The following PREX2 variants were observed in gnomAD, a reference collection of about 807,000 sequenced individuals.
The protein encoded by PREX2 is phosphatidylinositol-3,4,5-trisphosphate dependent Rac exchange factor 2, also known as phosphatidylinositol 3,4,5-trisphosphate-dependent Rac exchanger 2 protein.
In PREX2, 107 loss-of-function variants were observed where a neutral mutation model predicts 203.2. That is an observed-to-expected ratio of 0.53 (90% CI 0.45 to 0.62). PREX2 has a LOEUF of 0.62. Ranked by LOEUF, PREX2 falls within the 20% of genes least tolerant of loss-of-function variation. The probability of loss-of-function intolerance (pLI) is 0.00; values close to 1 mark genes in which losing one functional copy is unlikely to be tolerated. For synonymous variants in PREX2, 672 were observed against 663.6 expected (o/e 1.01, Z -0.19); for missense variants, 1,777 against 1,955.9 (o/e 0.91, Z 1.72).
intron 1 of PREX2, among the ~76,000 whole-genome samples, chr8:68,007,695 C>T (rs563813675): frequency 4.6e-5 from 7 of 152,222 alleles, no homozygotes; most frequent in South Asian, 2.1e-4. Context: ...CTGCAAGCTC[C>T]GCCTCCTAGG....
At chr8:68,041,716 C>T (rs1042037261) in intron 7 of PREX2, among the ~76,000 whole-genome samples, 1 of 151,914 alleles carries the variant, frequency 6.6e-6, no homozygotes, top group African/African-American at 2.4e-5. Context: ...GTGTGTTACT[C>T]GTTAAGAAAC....
At chr8:68,003,690 G>C (rs756826595) in intron 1 of PREX2, among the ~76,000 whole-genome samples, 1 of 152,118 alleles carries the variant, frequency 6.6e-6, no homozygotes, top group Non-Finnish European at 1.5e-5. Context: ...AGTACCATTA[G>C]CCGAGTTAAC....
intron 37 of PREX2, among the ~76,000 whole-genome samples, chr8:68,202,560 A>C (rs1812527000): frequency 6.6e-6 from 1 of 152,180 alleles, no homozygotes; most frequent in South Asian, 2.1e-4. Context: ...ACAGTATTAC[A>C]GCAAGAGAAG....
chr8:68,148,752 C>G (rs912062952), intron 34 of PREX2, among the ~76,000 whole-genome samples: 1 of 152,204 alleles, frequency 6.6e-6, no homozygotes, highest in Non-Finnish European at 1.5e-5. Flanking sequence ...AGAAATACTT[C>G]TACAGTTGAG....
intron 7 of PREX2, among the ~76,000 whole-genome samples, chr8:68,042,993 T>A (rs1808243159): frequency 6.6e-6 from 1 of 152,128 alleles, no homozygotes; most frequent in African/African-American, 2.4e-5. Context: ...ATTAAGTCTT[T>A]TCAATATGAT....
intron 37 of PREX2, among the ~76,000 whole-genome samples, chr8:68,198,964 A>G (rs930611104): frequency 5.3e-5 from 8 of 152,232 alleles, no homozygotes; most frequent in African/African-American, 1.9e-4. Context: ...ATGTCTTCAA[A>G]TCAAAACACT....
At chr8:68,177,725 A>G (rs1812008542) in intron 35 of PREX2, among the ~76,000 whole-genome samples, 1 of 152,136 alleles carries the variant, frequency 6.6e-6, no homozygotes, top group African/African-American at 2.4e-5. Flanking sequence ...TGTACAGATC[A>G]TCCCATCACC....
chr8:68,013,540 G>A (rs1252582512), intron 1 of PREX2, among the ~76,000 whole-genome samples: 1 of 152,082 alleles, frequency 6.6e-6, no homozygotes, highest in Non-Finnish European at 1.5e-5. Context: ...CTACCAACCA[G>A]GTGTTCATGC....
intron 23 of PREX2, chr8:68,102,932 G>A (rs1291926149): frequency 1.9e-6 from 1 of 517,774 alleles, no homozygotes; most frequent in Non-Finnish European, 3.9e-6. Flanking sequence ...GGACAATTCG[G>A]AAGTAAAATT....
At chr8:68,087,916 A>T (rs1330385003) in intron 19 of PREX2, 107 bp downstream of exon 19, 1 of 808,244 alleles carries the variant, frequency 1.2e-6, no homozygotes, top group Non-Finnish European at 2.2e-6. Flanking sequence ...GATGATTCTC[A>T]ATTATATTTT....
chr8:68,223,932 TC>T (rs1467655246), intron 38 of PREX2, among the ~76,000 whole-genome samples: 2 of 152,194 alleles, frequency 1.3e-5, no homozygotes, highest in Non-Finnish European at 2.9e-5. Flanking sequence ...TGATTTCTGT[TC>T]CAGAAAAGTG....
intron 1 of PREX2, among the ~76,000 whole-genome samples, chr8:67,977,870 C>T (rs948114658): frequency 6.6e-6 from 1 of 152,142 alleles, no homozygotes; most frequent in African/African-American, 2.4e-5. Context: ...TGCATCCCCT[C>T]GCACAAACCT....
intron 39 of PREX2, among the ~76,000 whole-genome samples, chr8:68,226,898 C>G (rs1352387627): frequency 1.3e-5 from 2 of 152,128 alleles, no homozygotes; most frequent in African/African-American, 4.8e-5. Context: ...TAATGCATGT[C>G]CCATACTGGG....
chr8:67,998,249 C>A (rs924217393), intron 1 of PREX2, among the ~76,000 whole-genome samples: 10 of 152,154 alleles, frequency 6.6e-5, no homozygotes, highest in African/African-American at 2.2e-4. Flanking sequence ...GCTGGAAGGT[C>A]TCAGAAGGAT....
rs146492504 is a variant in PREX2 at position 68,021,918 on chromosome 8, G to A, written c.337-118G>A. 226 of 606,198 alleles carry A rather than the reference G, an allele frequency of 3.7e-4. 1 individual carries two copies. The highest frequency in any genetic ancestry group is 3.7e-3 in the East Asian group (131 of 35,558). 37.6% of individuals were successfully genotyped at this position (606,198 alleles called of 1,614,324 possible). A position where few individuals can be genotyped will look rare whatever the true frequency, so the allele number is the denominator to read the frequency against. On this transcript the variant is annotated intron_variant, in intron 3 of 39. Coordinates refer to ENST00000288368, the MANE Select transcript of PREX2 (RefSeq NM_024870.4). The stretch of plus-strand genomic sequence containing the variant: ...AAAATTTATATATAGCTGTATACAC[G>A]CAGTATAGCTCTTAAAACGTAGTAA...
intron 8 of PREX2, among the ~76,000 whole-genome samples, chr8:68,049,283 A>T (rs564528968): frequency 3.0e-4 from 45 of 152,094 alleles, no homozygotes; most frequent in Admixed American, 1.6e-3. Flanking sequence ...TTAGAAATTT[A>T]TGCATCCACA....
In PREX2 at chr8:68,072,518, C is replaced by A; in HGVS notation, c.1517C>A (p.Thr506Asn). 6.3e-7 allele frequency: 1 copy of A among 1,592,590 alleles called. No individual in the cohort carries two copies. The highest frequency in any genetic ancestry group is 8.6e-7 in the Non-Finnish European group (1 of 1,161,528). Reference protein sequence around the residue: ...VIRDKDYHLRTYKSVVMANKL... With the variant: ...VIRDKDYHLRNYKSVVMANKL... ...AGAGATAAAGATTACCATTTAAGGACCTACAAATCTGTGGTCATGGCCAAC... is the reference window on the plus strand; with the variant it reads ...AGAGATAAAGATTACCATTTAAGGAACTACAAATCTGTGGTCATGGCCAAC... Residue 506 changes from threonine to asparagine, a missense_variant, in exon 14 of 40, where the codon ACC becomes AAC. Transcript: ENST00000288368.
intron 38 of PREX2, among the ~76,000 whole-genome samples, chr8:68,219,763 G>C (rs1437991492): frequency 6.6e-6 from 1 of 152,184 alleles, no homozygotes; most frequent in Non-Finnish European, 1.5e-5. Flanking sequence ...CCAGTATTCA[G>C]CAGTAGCAGA....
At position 68,162,474 on chromosome 8, in the gene PREX2, A is replaced by G. The variant is rs567808692; in HGVS notation, c.4346+5038A>G. 1.9e-4 allele frequency among the ~76,000 whole-genome samples: 29 copies of G among 152,242 alleles called. 1 individual carries two copies. Among genetic ancestry groups the G allele is most frequent in the African/African-American group, 6.5e-4 (27 of 41,542 alleles). ...ATTAGCTATTACTTAATTTAACATAACACAATCTTAAGACTTTTAAATTAC... is the reference window on the plus strand; with the variant it reads ...ATTAGCTATTACTTAATTTAACATAGCACAATCTTAAGACTTTTAAATTAC... On this transcript the variant is annotated intron_variant, in intron 35 of 39. Coordinates refer to ENST00000288368, the MANE Select transcript of PREX2 (RefSeq NM_024870.4).
Sources: allele counts gnomAD v4.1 joint callset (sites outside exome capture counted in the v4.1 genomes callset), GRCh38; gene constraint gnomAD v4.1.1; transcripts MANE v1.5; gene names NCBI Gene and HGNC (gene_info 2026-07-23, HGNC 2026-07-21).